ZNF461: variants seen among roughly 807,000 people sequenced by gnomAD.
ZNF461 encodes the protein gonadotropin-inducible ovarian transcription factor-1.
A neutral mutation model predicts 18.3 loss-of-function variants in ZNF461; 16 were observed. That is an observed-to-expected ratio of 0.88 (90% CI 0.59 to 1.33). ZNF461 has a LOEUF of 1.33. Among genes scored for constraint, ZNF461 ranks in the 40% most tolerant of loss-of-function variants. The pLI is 0.00. For missense variants in ZNF461, 595 were observed against 669.9 expected, an observed-to-expected ratio of 0.89 and a Z score of 1.23; for synonymous variants, 179 against 216.9, an observed-to-expected ratio of 0.83 and a Z score of 1.54.
At position 36,636,776 on chromosome 19, in the gene ZNF461, A is replaced by G. The variant is rs1345774631; in HGVS notation, c.*1877T>C. ...AGTGAAAGGGGGGCAATGGCAGTTT[A>G]GGTACATTTTCTTTGTGCTGAAGCA... On this transcript the variant is annotated 3_prime_UTR_variant, in exon 6 of 6. Transcript: ENST00000588268. Among the ~76,000 whole-genome samples, 3 of 152,226 alleles carry G rather than the reference A, an allele frequency of 2.0e-5. No homozygotes were observed. The highest frequency in any genetic ancestry group is 4.4e-5 in the Non-Finnish European group (3 of 68,028).
At chr19:36,656,388 C>T in intron 4 of ZNF461, 60 bp downstream of exon 4, 1 of 1,388,972 alleles carries the variant, frequency 7.2e-7, no homozygotes, top group Middle Eastern at 1.8e-4. Flanking sequence ...AACTTGCCAG[C>T]CCAACATTCT....
chr19:36,663,540 G>A (rs1386284712), intron 2 of ZNF461, among the ~76,000 whole-genome samples: 13 of 112,904 alleles, frequency 1.2e-4, no homozygotes, highest in African/African-American at 4.0e-4. Context: ...TTTTTTTTTA[G>A]ACAGAGTCTT....
chr19:36,654,647 C>T (rs2037685498), intron 4 of ZNF461, among the ~76,000 whole-genome samples: 1 of 152,026 alleles, frequency 6.6e-6, no homozygotes, highest in Non-Finnish European at 1.5e-5. Context: ...GCTGGGATTA[C>T]AGGCATGAGC....
intron 4 of ZNF461, among the ~76,000 whole-genome samples, chr19:36,647,196 T>G (rs540499112): frequency 5.9e-5 from 9 of 152,362 alleles, no homozygotes; most frequent in African/African-American, 1.7e-4. Context: ...GTGAAATTGC[T>G]GCATCATAGG....
intron 4 of ZNF461, chr19:36,645,123 G>C (rs1349240754): frequency 6.5e-6 from 1 of 152,688 alleles, no homozygotes; most frequent in East Asian, 1.9e-4. Flanking sequence ...AGCTACTTGG[G>C]AGGCTGAGGT....
chr19:36,662,112 G>A (rs1402314847), intron 2 of ZNF461, among the ~76,000 whole-genome samples: 2 of 151,946 alleles, frequency 1.3e-5, no homozygotes, highest in Non-Finnish European at 1.5e-5. Flanking sequence ...CAGGTGATCC[G>A]CCCGCTTCAG....
chr19:36,649,822 T>C (rs2037595532), intron 4 of ZNF461, among the ~76,000 whole-genome samples: 1 of 152,202 alleles, frequency 6.6e-6, no homozygotes, highest in Non-Finnish European at 1.5e-5. Context: ...CATATACATA[T>C]ATCAAAACAT....
intron 4 of ZNF461, among the ~76,000 whole-genome samples, chr19:36,649,683 G>A (rs2037592133): frequency 6.6e-6 from 1 of 152,082 alleles, no homozygotes; most frequent in African/African-American, 2.4e-5. Flanking sequence ...AAACTTCTAG[G>A]AGAGTAGATG....
In ZNF461 at chr19:36,636,856, A is replaced by C. The variant is rs2037301103; in HGVS notation, c.*1797T>G. ...TACTTATCAGAGAGCAGCTGTGGGGAGTGGGCCTAACTAGAAGCCAGCATA... is the reference window on the plus strand; with the variant it reads ...TACTTATCAGAGAGCAGCTGTGGGGCGTGGGCCTAACTAGAAGCCAGCATA... On this transcript the variant is annotated 3_prime_UTR_variant, in exon 6 of 6. Coordinates refer to ENST00000588268, the MANE Select transcript of ZNF461 (RefSeq NM_153257.5). Among the ~76,000 whole-genome samples, 1 of 152,176 alleles carries C rather than the reference A, an allele frequency of 6.6e-6. No individual in the cohort carries two copies. Among genetic ancestry groups the C allele is most frequent in the Admixed American group, 6.5e-5 (1 of 15,274 alleles).
intron 5 of ZNF461, among the ~76,000 whole-genome samples, chr19:36,643,048 T>A (rs1248503690): frequency 6.6e-6 from 1 of 152,072 alleles, no homozygotes; most frequent in Non-Finnish European, 1.5e-5. Flanking sequence ...GGATTACAGG[T>A]GTGAGCCACC....
intron 4 of ZNF461, 54 bp from the exon 5 acceptor site, chr19:36,643,916 C>T (rs2145372432): frequency 3.1e-6 from 4 of 1,299,756 alleles, no homozygotes; most frequent in Admixed American, 2.9e-5. Flanking sequence ...TTTTATTATA[C>T]AATAAAAAGA....
intron 4 of ZNF461, among the ~76,000 whole-genome samples, chr19:36,650,908 C>T (rs1235560697): frequency 2.7e-5 from 4 of 150,016 alleles, no homozygotes; most frequent in African/African-American, 9.7e-5. Context: ...GGGGAACTCC[C>T]TCAACCTTAT....
chr19:36,643,702 T>C (rs1268298347), intron 5 of ZNF461, 92 bp downstream of exon 5: 4 of 1,238,750 alleles, frequency 3.2e-6, no homozygotes, highest in Non-Finnish European at 3.1e-6. Flanking sequence ...TCTAGAGTAG[T>C]AGGTTTGGGG....
intron 2 of ZNF461, among the ~76,000 whole-genome samples, chr19:36,662,809 A>AT (rs1405691721): frequency 6.6e-6 from 1 of 152,090 alleles, no homozygotes; most frequent in Non-Finnish European, 1.5e-5. Flanking sequence ...AGATTTTGTC[A>AT]TTTTTTAGTG....
At chr19:36,660,499 ATCC>A (rs2037799784) in intron 2 of ZNF461, among the ~76,000 whole-genome samples, 1 of 152,020 alleles carries the variant, frequency 6.6e-6, no homozygotes, top group African/African-American at 2.4e-5. Flanking sequence ...ACCATGTATT[ATCC>A]CTCTCTGTTG....
Position 36,637,617 on chromosome 19 carries a change from A to C in ZNF461, c.*1036T>G, listed in dbSNP as rs2037321097. On this transcript the variant is annotated 3_prime_UTR_variant, in exon 6 of 6. Transcript: ENST00000588268. ...AGGAGGCTGAGGCAGGAGAATTTTT[A>C]ACCTGGGTGGCGGAGGTTGCAGTGA... 4.4e-6 allele frequency: 1 copy of C among 227,462 alleles called. No homozygotes were observed. Among genetic ancestry groups the C allele is most frequent in the Admixed American group, 5.8e-5 (1 of 17,110 alleles). 14.1% of individuals were successfully genotyped at this position (227,462 alleles called of 1,614,324 possible). A position where few individuals can be genotyped will look rare whatever the true frequency, so the allele number is the denominator to read the frequency against.
chr19:36,666,667 A>C (rs2037949754), intron 1 of ZNF461, 23 bp downstream of exon 1: 2 of 152,232 alleles, frequency 1.3e-5, no homozygotes, highest in African/African-American at 2.4e-5. Context: ...CTTCCGCGGC[A>C]CTGGTGAGCC....
At chr19:36,655,481 T>C (rs2037700357) in intron 4 of ZNF461, among the ~76,000 whole-genome samples, 1 of 152,122 alleles carries the variant, frequency 6.6e-6, no homozygotes, top group Admixed American at 6.5e-5. Flanking sequence ...GGCCTGTAGT[T>C]CCAGCTACTC....
chr19:36,644,974 T>C (rs2037498374), intron 4 of ZNF461, among the ~76,000 whole-genome samples: 1 of 152,112 alleles, frequency 6.6e-6, no homozygotes, highest in Admixed American at 6.5e-5. Flanking sequence ...ATCCCAGCAC[T>C]TTGGGAGGCT....
Sources: gnomAD v4.1 joint callset for allele counts (sites outside exome capture counted in the v4.1 genomes callset) on GRCh38, gnomAD v4.1.1 for gene constraint, MANE v1.5 for transcripts, NCBI Gene and HGNC (gene_info 2026-07-23, HGNC 2026-07-21) for gene names.